CRTC3: variants seen among roughly 807,000 people sequenced by gnomAD.
CRTC3 encodes the protein CREB regulated transcription coactivator 3.
CRTC3 carries 26 observed loss-of-function variants against 74.5 expected under a neutral mutation model. The ratio of observed to expected loss-of-function variants is 0.35; its 90% CI spans 0.26 to 0.48. The LOEUF is 0.48. Ranked by LOEUF, CRTC3 falls within the 20% of genes least tolerant of loss-of-function variation. The pLI is 0.99. For synonymous variants in CRTC3, 377 were observed against 325.8 expected, an observed-to-expected ratio of 1.16 and a Z score of -1.69; for missense variants, 760 against 787.3, an observed-to-expected ratio of 0.97 and a Z score of 0.41.
intron 9 of CRTC3, chr15:90,620,065 T>G (rs866657479): frequency 2.6e-6 from 1 of 380,202 alleles, no homozygotes; most frequent in African/African-American, 2.1e-5. Context: ...ACTCTCCGGG[T>G]AGAAGCAGTG....
At chr15:90,609,515 C>T (rs1326508406) in intron 6 of CRTC3, among the ~76,000 whole-genome samples, 4 of 152,186 alleles carry the variant, frequency 2.6e-5, no homozygotes, top group African/African-American at 4.8e-5. Flanking sequence ...TGCATTTCTG[C>T]CTCTGCCGAT....
intron 2 of CRTC3, among the ~76,000 whole-genome samples, chr15:90,552,231 C>G (rs1179457089): frequency 6.6e-6 from 1 of 152,244 alleles, no homozygotes; most frequent in Non-Finnish European, 1.5e-5. Context: ...ACACCATCAA[C>G]TCTGTGTCCA....
At chr15:90,570,580 AT>A (rs1214126146) in intron 2 of CRTC3, among the ~76,000 whole-genome samples, 2 of 152,148 alleles carry the variant, frequency 1.3e-5, no homozygotes, top group Non-Finnish European at 2.9e-5. Flanking sequence ...AATTCTTTAG[AT>A]GCTAACCCAG....
rs553360385 is a variant in CRTC3, at chr15:90,644,859, C to T, written c.*2719C>T. The stretch of plus-strand genomic sequence containing the variant: ...ATTTAGTTTTGTCACAAGAAATCGA[C>T]CATTGTACTACTCTCACTTACAGCA... On this transcript the variant is annotated 3_prime_UTR_variant, in exon 15 of 15. Transcript: ENST00000268184. 6.9e-4 allele frequency: 161 copies of T among 232,358 alleles called. 1 individual carries two copies. The highest frequency in any genetic ancestry group is 3.4e-3 in the African/African-American group (155 of 45,436). 14.4% of individuals were successfully genotyped at this position (232,358 alleles called of 1,614,324 possible).
At chr15:90,554,151 A>C (rs1357598280) in intron 2 of CRTC3, among the ~76,000 whole-genome samples, 1 of 152,060 alleles carries the variant, frequency 6.6e-6, no homozygotes, top group East Asian at 1.9e-4. Context: ...GTTGTTATAC[A>C]TAACACCCTT....
rs913956946 is a variant in CRTC3, at chr15:90,643,299, A to G, written c.*1159A>G. The stretch of plus-strand genomic sequence containing the variant: ...CCCTGCCAGATCTTCTCAGAGCTTT[A>G]GCTTTTCTAGCACTCGTGCCTATGG... On this transcript the variant is annotated 3_prime_UTR_variant, in exon 15 of 15. Coordinates refer to ENST00000268184, the MANE Select transcript of CRTC3 (RefSeq NM_022769.5). The G allele has an allele frequency of 4.3e-6, 1 of 231,704 alleles. No homozygotes were observed. Among genetic ancestry groups the G allele is most frequent in the Non-Finnish European group, 8.5e-6 (1 of 117,106 alleles). The allele number at this position is 231,704 out of a possible 1,614,324, so 14.4% of individuals were successfully genotyped here. A position where few individuals can be genotyped will look rare whatever the true frequency, so the allele number is the denominator to read the frequency against.
Position 90,531,780 on chromosome 15 carries a change from T to A in CRTC3, c.132+1577T>A, listed in dbSNP as rs558956814. 1.5e-3 allele frequency among the ~76,000 whole-genome samples: 226 copies of A among 152,316 alleles called. 1 individual carries two copies. The highest frequency in any genetic ancestry group is 2.6e-3 in the Non-Finnish European group (178 of 68,036). On this transcript the variant is annotated intron_variant, in intron 1 of 14. Transcript: ENST00000268184. ...TGTGTTTTTAAATACATACTGTACA[T>A]TGTTTATGTACAAATACATGCACTG...
intron 1 of CRTC3, among the ~76,000 whole-genome samples, chr15:90,533,649 G>A (rs1054850005): frequency 6.6e-6 from 1 of 152,168 alleles, no homozygotes; most frequent in South Asian, 2.1e-4. Context: ...GTGTGTGCCA[G>A]GGGTTAGGAT....
At chr15:90,610,817 G>A (rs772100366) in intron 6 of CRTC3, among the ~76,000 whole-genome samples, 2 of 152,154 alleles carry the variant, frequency 1.3e-5, no homozygotes, top group Non-Finnish European at 2.9e-5. Context: ...AGGAGGGACT[G>A]GGGTGGTCTC....
At chr15:90,624,003 G>C (rs971927130) in intron 9 of CRTC3, among the ~76,000 whole-genome samples, 1 of 152,134 alleles carries the variant, frequency 6.6e-6, no homozygotes, top group African/African-American at 2.4e-5. Flanking sequence ...AGCCTCCCCA[G>C]GTCAGCTGGG....
intron 6 of CRTC3, among the ~76,000 whole-genome samples, chr15:90,612,575 G>C (rs773375234): frequency 6.6e-6 from 1 of 151,868 alleles, no homozygotes; most frequent in Non-Finnish European, 1.5e-5. Flanking sequence ...CGAGTGACTG[G>C]TGTCTTGATG....
chr15:90,621,381 G>T (rs1331024547), intron 9 of CRTC3, among the ~76,000 whole-genome samples: 1 of 152,112 alleles, frequency 6.6e-6, no homozygotes, highest in African/African-American at 2.4e-5. Flanking sequence ...GGAGTGCAGT[G>T]GCATGCTCTT....
At chr15:90,619,075 C>T (rs1968568744) in intron 8 of CRTC3, among the ~76,000 whole-genome samples, 1 of 152,228 alleles carries the variant, frequency 6.6e-6, no homozygotes, top group Non-Finnish European at 1.5e-5. Flanking sequence ...TTAGTTTCTT[C>T]TGACATTCAT....
At chr15:90,622,677 C>T (rs763494116) in intron 9 of CRTC3, among the ~76,000 whole-genome samples, 5 of 152,090 alleles carry the variant, frequency 3.3e-5, no homozygotes, top group Non-Finnish European at 7.4e-5. Context: ...ATGGCGAAAC[C>T]CTGTCTCTAC....
chr15:90,626,837 A>G (rs1968851606), intron 10 of CRTC3, among the ~76,000 whole-genome samples: 1 of 151,900 alleles, frequency 6.6e-6, no homozygotes, highest in Non-Finnish European at 1.5e-5. Flanking sequence ...CTGGTCTCGA[A>G]CTCCTGACCT....
At chr15:90,570,208 TA>T (rs1967229869) in intron 2 of CRTC3, among the ~76,000 whole-genome samples, 1 of 152,176 alleles carries the variant, frequency 6.6e-6, no homozygotes, top group South Asian at 2.1e-4. Context: ...AAATGTGGCT[TA>T]AAAAATTGTC....
chr15:90,567,730 C>T (rs781330842), intron 2 of CRTC3, among the ~76,000 whole-genome samples: 5 of 72,422 alleles, frequency 6.9e-5, no homozygotes, highest in Non-Finnish European at 1.4e-4. Context: ...TATCACTCCT[C>T]GTTGACAGTG....
At chr15:90,598,105 G>A (rs1967973547) in intron 3 of CRTC3, 1 of 279,046 alleles carries the variant, frequency 3.6e-6, no homozygotes, top group East Asian at 8.1e-5. Flanking sequence ...AAGGTCTCAG[G>A]CCTGCCCCAC....
chr15:90,627,120 G>T (rs962887172), intron 10 of CRTC3, among the ~76,000 whole-genome samples: 1 of 152,240 alleles, frequency 6.6e-6, no homozygotes, highest in Admixed American at 6.5e-5. Context: ...ACCCAAATGA[G>T]AGTGGTCCCC....
Sources: allele counts gnomAD v4.1 joint callset (sites outside exome capture counted in the v4.1 genomes callset), GRCh38; gene constraint gnomAD v4.1.1; transcripts MANE v1.5; gene names NCBI Gene and HGNC (gene_info 2026-07-23, HGNC 2026-07-21).